The following AIG1 variants were observed in gnomAD, a reference collection of about 807,000 sequenced individuals.
AIG1 encodes the protein androgen induced 1.
AIG1 carries 23 observed loss-of-function variants against 31.4 expected under a neutral mutation model. That is an observed-to-expected ratio of 0.73 (90% CI 0.53 to 1.04). The LOEUF (loss-of-function observed/expected upper bound fraction) is 1.04. Among genes scored for constraint, AIG1 ranks in the 50% least tolerant of loss-of-function variants. The pLI is 0.00. For synonymous variants in AIG1, 100 were observed against 110.5 expected (o/e 0.90, Z 0.60); for missense variants, 274 against 295.0 (o/e 0.93, Z 0.52).
rs961986777 is a variant in AIG1 at position 143,188,338 on chromosome 6, G to A, written c.399+23155G>A. On this transcript the variant is annotated intron_variant, in intron 3 of 5. Transcript: ENST00000357847. ...GCTATACAGTTTTCCATTTTACTGA[G>A]CGATGTATTTATGTTGCTGCATAAT... is the stretch of plus-strand genomic sequence containing the variant. 2.8e-5 allele frequency: 28 copies of A among 985,514 alleles called. No individual in the cohort carries two copies. In the African/African-American group the frequency reaches 4.5e-4, roughly 16 times the overall value. The allele number at this position is 985,514 out of a possible 1,614,324, so 61.0% of individuals were successfully genotyped here.
At chr6:143,308,627 A>T (rs1483806281) in intron 4 of AIG1, among the ~76,000 whole-genome samples, 1 of 152,224 alleles carries the variant, frequency 6.6e-6, no homozygotes, top group African/African-American at 2.4e-5. Context: ...GTACTCAGTC[A>T]TTCAAATAAG....
At chr6:143,252,214 T>C (rs1413253921) in intron 3 of AIG1, among the ~76,000 whole-genome samples, 1 of 152,104 alleles carries the variant, frequency 6.6e-6, no homozygotes, top group East Asian at 1.9e-4. Flanking sequence ...CCACCTCCCA[T>C]GTTCAAGCGA....
rs1451668117 is a variant in AIG1, at chr6:143,334,103, A to T, written c.679+658A>T. 6 of 1,550,450 alleles carry T rather than the reference A, an allele frequency of 3.9e-6. No homozygotes were observed. Among genetic ancestry groups the T allele is most frequent in the Non-Finnish European group, 5.2e-6 (6 of 1,146,902 alleles). On this transcript the variant is annotated intron_variant, in intron 5 of 5. Transcript: ENST00000357847. This position sits in a 1 kb window ranked among gnomAD's most constrained non-coding sequence, Gnocchi z 5.1. ...AGCCTCCATCTTGGCAAGGCACGTAATCTTATCCAAGCTGTGCAAAACCTG... is the reference window on the plus strand; with the variant it reads ...AGCCTCCATCTTGGCAAGGCACGTATTCTTATCCAAGCTGTGCAAAACCTG...
Position 143,113,207 on chromosome 6 carries a change from GA to G in AIG1, c.142-23617del, listed in dbSNP as rs568776043. On this transcript the variant is annotated intron_variant, in intron 1 of 5. Transcript: ENST00000357847. ...CCCTGAAAGACCCTGTCTCAAAAAA[GA>G]AAAAAAAAAAGAGAAAAAAGGCGTT... Among the ~76,000 whole-genome samples, 43 of 123,694 alleles carry G rather than the reference GA, an allele frequency of 3.5e-4. No individual in the cohort carries two copies. The East Asian group carries it at 4.2e-3, about 12-fold the overall frequency. The allele number at this position is 123,694 out of a possible 152,430, so 81.1% of individuals were successfully genotyped here.
chr6:143,304,601 T>G (rs1027883793), intron 4 of AIG1, among the ~76,000 whole-genome samples: 1 of 152,120 alleles, frequency 6.6e-6, no homozygotes, highest in Non-Finnish European at 1.5e-5. Flanking sequence ...TGATAAGCTT[T>G]TTGATGTGCT....
intron 1 of AIG1, among the ~76,000 whole-genome samples, chr6:143,126,798 CAT>C (rs1304453472): frequency 1.3e-5 from 2 of 152,172 alleles, no homozygotes; most frequent in African/African-American, 2.4e-5. Flanking sequence ...TTCATTTCTG[CAT>C]ATGACAAACT....
intron 3 of AIG1, chr6:143,187,788 T>G: frequency 6.6e-7 from 1 of 1,504,960 alleles, no homozygotes; most frequent in Non-Finnish European, 8.8e-7. Flanking sequence ...GAAATGACCT[T>G]GAAGCGAAGT....
chr6:143,072,869 A>C (rs1554235350), intron 1 of AIG1, among the ~76,000 whole-genome samples: 2 of 152,112 alleles, frequency 1.3e-5, no homozygotes, highest in Admixed American at 6.5e-5. Flanking sequence ...CCATTTTTTG[A>C]TTTTGTGGCA....
chr6:143,264,607 C>T (rs1176375141), intron 3 of AIG1, among the ~76,000 whole-genome samples: 4 of 152,188 alleles, frequency 2.6e-5, no homozygotes, highest in African/African-American at 9.7e-5. Context: ...AACAAAGCCC[C>T]AGATTCAGGA....
At chr6:143,125,030 G>A (rs991167720) in intron 1 of AIG1, among the ~76,000 whole-genome samples, 10 of 152,120 alleles carry the variant, frequency 6.6e-5, no homozygotes, top group Admixed American at 2.6e-4. Flanking sequence ...TACTCTTCCT[G>A]AGCTCCAGGG....
chr6:143,296,188 T>C (rs1798414513), intron 4 of AIG1, among the ~76,000 whole-genome samples: 1 of 152,172 alleles, frequency 6.6e-6, no homozygotes, highest in African/African-American at 2.4e-5. Context: ...ATTTCAGCTT[T>C]ATTGTCTCTT....
intron 1 of AIG1, among the ~76,000 whole-genome samples, chr6:143,062,857 T>C (rs1776376266): frequency 6.6e-6 from 1 of 152,228 alleles, no homozygotes; most frequent in Admixed American, 6.5e-5. Flanking sequence ...ATCCCATTCC[T>C]AAGTCAGATC....
At chr6:143,178,563 G>GTC (rs1189392289) in intron 3 of AIG1, among the ~76,000 whole-genome samples, 2 of 152,206 alleles carry the variant, frequency 1.3e-5, no homozygotes, top group African/African-American at 4.8e-5. Flanking sequence ...TGTGCTTGAG[G>GTC]TCTCTCTGGG....
At chr6:143,247,943 A>C (rs1248552024) in intron 3 of AIG1, among the ~76,000 whole-genome samples, 6 of 152,156 alleles carry the variant, frequency 3.9e-5, no homozygotes, top group Admixed American at 3.9e-4. Context: ...AAAACATGAG[A>C]GCCTCACTGA....
chr6:143,163,341 C>T (rs996897076), intron 2 of AIG1, among the ~76,000 whole-genome samples: 7 of 152,296 alleles, frequency 4.6e-5, no homozygotes, highest in Admixed American at 4.6e-4. Context: ...TCATTGGTAA[C>T]CACTCCTTGC....
chr6:143,343,135 A>G (rs1446444034), downstream of AIG1: 5 of 757,674 alleles, frequency 6.6e-6, no homozygotes, highest in Admixed American at 1.7e-5. Flanking sequence ...GAGGCTTGCC[A>G]TTATTTACTT....
At chr6:143,122,832 G>A (rs1782354123) in intron 1 of AIG1, among the ~76,000 whole-genome samples, 1 of 151,936 alleles carries the variant, frequency 6.6e-6, no homozygotes, top group Non-Finnish European at 1.5e-5. Flanking sequence ...CTTTTAGTTT[G>A]TTCCCTCCCA....
intron 3 of AIG1, among the ~76,000 whole-genome samples, chr6:143,172,689 T>G (rs976960369): frequency 1.3e-5 from 2 of 152,226 alleles, no homozygotes; most frequent in Admixed American, 6.5e-5. Context: ...TGTAAGTCTG[T>G]CTGGCCCTGG....
intron 1 of AIG1, among the ~76,000 whole-genome samples, chr6:143,130,240 TA>T (rs1339911248): frequency 1.3e-5 from 2 of 151,834 alleles, no homozygotes; most frequent in South Asian, 4.2e-4. Context: ...ATAGATACTT[TA>T]AAAAAAATTA....
Sources: allele counts gnomAD v4.1 joint callset (sites outside exome capture counted in the v4.1 genomes callset), GRCh38; gene constraint gnomAD v4.1.1; non-coding constraint Gnocchi (gnomAD v3.1); transcripts MANE v1.5; gene names NCBI Gene and HGNC (gene_info 2026-07-23, HGNC 2026-07-21).